Variants in KREMEN1 observed in about 807,000 individuals in gnomAD.
KREMEN1 encodes the protein kringle containing transmembrane protein 1.
A neutral mutation model predicts 46.5 loss-of-function variants in KREMEN1; 30 were observed. The ratio of observed to expected loss-of-function variants is 0.65; its 90% CI spans 0.48 to 0.88. The LOEUF is 0.88. KREMEN1 is among the 40% of genes least tolerant of loss of function. KREMEN1 has a pLI of 0.00. For synonymous variants in KREMEN1, 214 were observed against 230.6 expected (o/e 0.93, Z 0.65); for missense variants, 533 against 596.9 (o/e 0.89, Z 1.11).
chr22:29,089,073 G>A (rs973393042), intron 1 of KREMEN1, among the ~76,000 whole-genome samples: 3 of 152,204 alleles, frequency 2.0e-5, no homozygotes, highest in Admixed American at 6.5e-5. Flanking sequence ...AGCCCCAGAT[G>A]TTGGGGCTGA....
In KREMEN1 at chr22:29,145,268, G is replaced by A. The variant is rs563639866; in HGVS notation, c.*3156G>A. 8 of 985,636 alleles carry A rather than the reference G, an allele frequency of 8.1e-6. No homozygotes were observed. The South Asian group carries it at 3.8e-4, about 46-fold the overall frequency. 61.1% of individuals were successfully genotyped at this position (985,636 alleles called of 1,614,324 possible). A position where few individuals can be genotyped will look rare whatever the true frequency, so the allele number is the denominator to read the frequency against. The stretch of plus-strand genomic sequence containing the variant: ...TGAGATAAAGTGGGGGTTGGAGGTG[G>A]CGAAAAGAGGGTAACCCTGGGAAAG... On this transcript the variant is annotated 3_prime_UTR_variant, in exon 9 of 9. Transcript: ENST00000400335.
chr22:29,158,440 T>C (rs1035087848), intron 9 of KREMEN1, among the ~76,000 whole-genome samples: 3 of 152,082 alleles, frequency 2.0e-5, no homozygotes, highest in Non-Finnish European at 4.4e-5. Flanking sequence ...GGCGCCGACA[T>C]GGGGCACGGG....
intron 1 of KREMEN1, among the ~76,000 whole-genome samples, chr22:29,077,410 C>T (rs1397761452): frequency 3.3e-5 from 5 of 152,260 alleles, no homozygotes; most frequent in South Asian, 2.1e-4. Flanking sequence ...AGTGCAGTGG[C>T]GCAATCTCGG....
At chr22:29,094,539 C>T in intron 2 of KREMEN1, 119 bp downstream of exon 2, 1 of 667,116 alleles carries the variant, frequency 1.5e-6, no homozygotes, top group South Asian at 2.0e-5. Context: ...AGAGACTTAT[C>T]TTGTCAGTTT....
At chr22:29,152,958 A>G (rs1369745300) in intron 9 of KREMEN1, among the ~76,000 whole-genome samples, 1 of 152,214 alleles carries the variant, frequency 6.6e-6, no homozygotes, top group Non-Finnish European at 1.5e-5. Context: ...GAGTAGACTT[A>G]CGGTTATTTC....
downstream of KREMEN1, among the ~76,000 whole-genome samples, chr22:29,148,405 G>A (rs1490853174): frequency 6.6e-6 from 1 of 152,146 alleles, no homozygotes; most frequent in Non-Finnish European, 1.5e-5. Flanking sequence ...AGTAGGACAG[G>A]AGACAAGGAC....
chr22:29,145,497 CAGG>C lies in KREMEN1; in HGVS notation c.*3388_*3390del. 1 of 985,570 alleles carries C rather than the reference CAGG, an allele frequency of 1.0e-6. No individual in the cohort carries two copies. The highest frequency in any genetic ancestry group is 1.2e-6 in the Non-Finnish European group (1 of 830,050). The allele number at this position is 985,570 out of a possible 1,614,324, so 61.1% of individuals were successfully genotyped here. A position where few individuals can be genotyped will look rare whatever the true frequency, so the allele number is the denominator to read the frequency against. On this transcript the variant is annotated 3_prime_UTR_variant, in exon 9 of 9. Coordinates refer to ENST00000400335, the MANE Select transcript of KREMEN1 (RefSeq NM_001039570.3). ...CCTGCCTTCTTGGTACCTGTGCCAA[CAGG>C]AGAGCCCTCACCAGCCGATCTTGTC...
chr22:29,131,770 A>ATATATGTATATATATGTG (rs2038562396), intron 5 of KREMEN1, among the ~76,000 whole-genome samples: 1 of 129,214 alleles, frequency 7.7e-6, no homozygotes, highest in Non-Finnish European at 1.5e-5. Flanking sequence ...ATATATATGT[A>ATATATGTATATATATGTG]TATATATATA....
In KREMEN1 at chr22:29,145,061, A is replaced by C. The variant is rs767851765; in HGVS notation, c.*2949A>C. Reference sequence around the variant, plus strand: ...CATCCCAGGCTAAGCCTCCGTGGGCACTGGCTCCTGCCGCAGCCTGGCTAT... The same window carrying C: ...CATCCCAGGCTAAGCCTCCGTGGGCCCTGGCTCCTGCCGCAGCCTGGCTAT... On this transcript the variant is annotated 3_prime_UTR_variant, in exon 9 of 9. Transcript: ENST00000400335. 1.0e-6 allele frequency: 1 copy of C among 985,400 alleles called. No homozygotes were observed. Among genetic ancestry groups the C allele is most frequent in the East Asian group, 1.1e-4 (1 of 8,824 alleles). 61.0% of individuals were successfully genotyped at this position (985,400 alleles called of 1,614,324 possible). A position where few individuals can be genotyped will look rare whatever the true frequency, so the allele number is the denominator to read the frequency against.
Position 29,125,325 on chromosome 22 carries a change from C to G in KREMEN1, c.540C>G (p.Tyr180Ter). ...FCGNNPDYWKYGEAASTECNS... is the reference protein window; with the variant it reads ...FCGNNPDYWK ...GAAACAATCCTGATTACTGGAAGTACGGGGAGGCAGCCAGTACCGAATGCA... is the reference window on the plus strand; with the variant it reads ...GAAACAATCCTGATTACTGGAAGTAGGGGGAGGCAGCCAGTACCGAATGCA... The change falls in exon 5 of 9, where the codon TAC becomes TAG. Residue 180 changes from tyrosine (Y) to a stop codon, truncating the protein, a stop_gained. Coordinates refer to ENST00000400335, the MANE Select transcript of KREMEN1 (RefSeq NM_001039570.3). LOFTEE classifies it high-confidence loss of function. 1.2e-6 allele frequency: 2 copies of G among 1,614,116 alleles called. No individual in the cohort carries two copies. Among genetic ancestry groups the G allele is most frequent in the Non-Finnish European group, 1.7e-6 (2 of 1,180,004 alleles).
chr22:29,146,527 C>T lies in KREMEN1; in HGVS notation c.*4415C>T, dbSNP rs1324270394. 1.0e-6 allele frequency: 1 copy of T among 985,654 alleles called. No homozygotes were observed. The highest frequency in any genetic ancestry group is 1.1e-4 in the East Asian group (1 of 8,808). 61.1% of individuals were successfully genotyped at this position (985,654 alleles called of 1,614,324 possible). A position where few individuals can be genotyped will look rare whatever the true frequency, so the allele number is the denominator to read the frequency against. Reference sequence around the variant, plus strand: ...CCGCACGGGAGCTGCCATCGTGGGTCTCATGCACGTCAAGACCTTCCCACA... The same window carrying T: ...CCGCACGGGAGCTGCCATCGTGGGTTTCATGCACGTCAAGACCTTCCCACA... On this transcript the variant is annotated 3_prime_UTR_variant, in exon 9 of 9. Transcript: ENST00000400335.
intron 3 of KREMEN1, among the ~76,000 whole-genome samples, chr22:29,107,469 C>T (rs2038080545): frequency 6.6e-6 from 1 of 152,042 alleles, no homozygotes; most frequent in Non-Finnish European, 1.5e-5. Context: ...ATTCGCCTGC[C>T]TCGGCTTCCC....
At position 29,079,444 on chromosome 22, in the gene KREMEN1, A is replaced by G. The variant is rs564766592; in HGVS notation, c.97+6217A>G. On this transcript the variant is annotated intron_variant, in intron 1 of 8. Coordinates refer to ENST00000400335, the MANE Select transcript of KREMEN1 (RefSeq NM_001039570.3). ...TCTAGCTTCCCTTGCCACGGATTTA[A>G]TCTCTGGCAAGTAGCCAAAGCATTA... Among the ~76,000 whole-genome samples, 20 of 152,338 alleles carry G rather than the reference A, an allele frequency of 1.3e-4. No homozygotes were observed. The South Asian group carries it at 3.9e-3, about 30-fold the overall frequency.
intron 1 of KREMEN1, among the ~76,000 whole-genome samples, chr22:29,087,088 C>T (rs964205854): frequency 1.3e-5 from 2 of 152,080 alleles, no homozygotes; most frequent in African/African-American, 4.8e-5. Context: ...TATACCTAAA[C>T]CTTAGATTTC....
intron 1 of KREMEN1, among the ~76,000 whole-genome samples, chr22:29,084,845 A>C (rs2044355587): frequency 6.6e-6 from 1 of 152,156 alleles, no homozygotes; most frequent in African/African-American, 2.4e-5. Flanking sequence ...CCCCTTCCAA[A>C]AGTATAAATT....
intron 1 of KREMEN1, among the ~76,000 whole-genome samples, chr22:29,076,955 A>G (rs2037582479): frequency 1.3e-5 from 2 of 152,252 alleles, no homozygotes; most frequent in Admixed American, 6.5e-5. Flanking sequence ...TCATAAACAG[A>G]AAGTTGATGC....
intron 2 of KREMEN1, 152 bp downstream of exon 2, chr22:29,094,572 T>TACACACACACACAC (rs134658): frequency 2.1e-4 from 53 of 255,778 alleles, no homozygotes; most frequent in African/African-American, 1.2e-3. Context: ...TTTCACACCT[T>TACACACACACACAC]ACACACACAC....
chr22:29,087,595 A>T (rs134641), intron 1 of KREMEN1, among the ~76,000 whole-genome samples: 1 of 151,348 alleles, frequency 6.6e-6, no homozygotes, highest in Non-Finnish European at 1.5e-5. Flanking sequence ...ACGGAATTTT[A>T]CTCTTTGTTG....
chr22:29,131,511 C>T (rs1238737294), intron 5 of KREMEN1, among the ~76,000 whole-genome samples: 1 of 125,640 alleles, frequency 8.0e-6, no homozygotes, highest in African/African-American at 3.8e-5. Flanking sequence ...AACAACTGAT[C>T]TGTATTCTGT....
Sources: gnomAD v4.1 joint callset for allele counts (sites outside exome capture counted in the v4.1 genomes callset) on GRCh38, gnomAD v4.1.1 for gene constraint, MANE v1.5 for transcripts, NCBI Gene and HGNC (gene_info 2026-07-23, HGNC 2026-07-21) for gene names.